The following CMIP variants were observed in gnomAD, a reference collection of about 807,000 sequenced individuals.
CMIP encodes the protein C-Maf-inducing protein.
CMIP carries 13 observed loss-of-function variants against 97.3 expected under a neutral mutation model. That is an observed-to-expected ratio of 0.13 (90% CI 0.09 to 0.21). The LOEUF is 0.21. Ranked by LOEUF, CMIP falls within the 10% of genes least tolerant of loss-of-function variation. The pLI, the probability that CMIP is intolerant of heterozygous loss-of-function variation, is 1.00. For missense variants in CMIP, 847 were observed against 1,024.9 expected, an observed-to-expected ratio of 0.83 and a Z score of 2.37; for synonymous variants, 538 against 436.3, an observed-to-expected ratio of 1.23 and a Z score of -2.91.
intron 10 of CMIP, among the ~76,000 whole-genome samples, chr16:81,680,953 C>G (rs1300112360): frequency 6.6e-6 from 1 of 152,196 alleles, no homozygotes; most frequent in Non-Finnish European, 1.5e-5. Flanking sequence ...ACATTTTTTC[C>G]TTCTTCATAA....
Position 81,453,125 on chromosome 16 carries a change from C to G in CMIP, c.300+7584C>G, listed in dbSNP as rs1432208471. 6.6e-6 allele frequency among the ~76,000 whole-genome samples: 1 copy of G among 152,170 alleles called. No individual in the cohort carries two copies. Among genetic ancestry groups the G allele is most frequent in the Admixed American group, 6.5e-5 (1 of 15,286 alleles). On this transcript the variant is annotated intron_variant, in intron 1 of 20. Coordinates refer to ENST00000537098, the MANE Select transcript of CMIP (RefSeq NM_198390.3). The surrounding 1 kb of genome is among the most constrained non-coding windows in gnomAD (Gnocchi z 4.0). Reference sequence around the variant, plus strand: ...GAGGGGAAGTGTGTCGGCAAAGACCCTTGCAGCTGGCTCAGCAGCCCACCT... The same window carrying G: ...GAGGGGAAGTGTGTCGGCAAAGACCGTTGCAGCTGGCTCAGCAGCCCACCT...
intron 19 of CMIP, 47 bp downstream of exon 19, chr16:81,705,651 T>C: frequency 7.8e-7 from 1 of 1,286,412 alleles, no homozygotes; most frequent in Admixed American, 2.0e-5. Context: ...GCTTGATTCA[T>C]TCCTTCCTTG....
intron 3 of CMIP, chr16:81,630,270 C>G (rs1190786770): frequency 6.6e-6 from 1 of 152,264 alleles, no homozygotes; most frequent in Non-Finnish European, 1.5e-5. Context: ...CAGAGGAAAA[C>G]AGGCTCTTGG....
intron 1 of CMIP, among the ~76,000 whole-genome samples, chr16:81,512,061 T>C (rs1350512234): frequency 6.6e-6 from 1 of 152,258 alleles, no homozygotes; most frequent in African/African-American, 2.4e-5. Flanking sequence ...AGTGATAATA[T>C]ATTTGATATA....
intron 11 of CMIP, 73 bp from the exon 12 acceptor site, chr16:81,693,085 G>C: frequency 8.9e-7 from 1 of 1,124,198 alleles, no homozygotes; most frequent in East Asian, 2.4e-5. Flanking sequence ...GTCCCCAGAG[G>C]TTAATCTTGG....
chr16:81,699,553 C>A, intron 14 of CMIP, 132 bp from the exon 15 acceptor site: 1 of 625,830 alleles, frequency 1.6e-6, no homozygotes, highest in Non-Finnish European at 2.9e-6. Flanking sequence ...CCTGGTGATC[C>A]TAGAACACCT....
At chr16:81,577,182 CCATCACCAT>C (rs1339849190) in intron 1 of CMIP, among the ~76,000 whole-genome samples, 3 of 139,734 alleles carry the variant, frequency 2.1e-5, no homozygotes, top group African/African-American at 9.0e-5. Context: ...ATCACTATCA[CCATCACCAT>C]CATCACCATC....
intron 1 of CMIP, among the ~76,000 whole-genome samples, chr16:81,565,728 C>T (rs1443243474): frequency 6.6e-6 from 1 of 152,192 alleles, no homozygotes; most frequent in Non-Finnish European, 1.5e-5. Flanking sequence ...CTGTCTGCCA[C>T]CTGCCCCCTA....
chr16:81,481,420 A>G (rs533011339), intron 1 of CMIP, among the ~76,000 whole-genome samples: 16 of 152,316 alleles, frequency 1.1e-4, no homozygotes, highest in African/African-American at 3.8e-4. Flanking sequence ...CCAACGTTAC[A>G]CAGCTTGTGA....
intron 14 of CMIP, 132 bp from the exon 15 acceptor site, chr16:81,699,553 C>T (rs1288850748): frequency 6.4e-6 from 4 of 625,712 alleles, no homozygotes; most frequent in East Asian, 5.8e-5. Context: ...CCTGGTGATC[C>T]TAGAACACCT....
intron 1 of CMIP, among the ~76,000 whole-genome samples, chr16:81,568,730 G>A (rs993212513): frequency 6.6e-6 from 1 of 152,226 alleles, no homozygotes; most frequent in Non-Finnish European, 1.5e-5. Context: ...CAAAGGCAAG[G>A]AGAGCTGGAG....
intron 1 of CMIP, among the ~76,000 whole-genome samples, chr16:81,601,856 C>G (rs2091663832): frequency 6.6e-6 from 1 of 152,196 alleles, no homozygotes; most frequent in African/African-American, 2.4e-5. Context: ...CCTGGGTTCG[C>G]TCCTTGCTTC....
chr16:81,447,382 C>T (rs1035260751), intron 1 of CMIP, among the ~76,000 whole-genome samples: 6 of 152,148 alleles, frequency 3.9e-5, no homozygotes, highest in Middle Eastern at 3.4e-3. Flanking sequence ...AGTGAGTGTC[C>T]CGCTGCTACC....
At chr16:81,534,123 A>G (rs2090295138) in intron 1 of CMIP, among the ~76,000 whole-genome samples, 2 of 152,234 alleles carry the variant, frequency 1.3e-5, no homozygotes, top group African/African-American at 2.4e-5. Flanking sequence ...GCACCCGGGC[A>G]GCCTGTGGCC....
chr16:81,710,163 G>A lies in CMIP; in HGVS notation c.*364G>A, dbSNP rs1043888152. ...CCGTCGTGTGGGAAAAGTCAACTCC[G>A]ATGCCACCATTGCGGGCCGGACGAA... On this transcript the variant is annotated 3_prime_UTR_variant, in exon 21 of 21. Transcript: ENST00000537098. The A allele has an allele frequency of 1.7e-5, 5 of 296,000 alleles. No homozygotes were observed. The highest frequency in any genetic ancestry group is 2.2e-5 in the African/African-American group (1 of 46,216). The allele number at this position is 296,000 out of a possible 1,614,324, so 18.3% of individuals were successfully genotyped here. A position where few individuals can be genotyped will look rare whatever the true frequency, so the allele number is the denominator to read the frequency against.
intron 1 of CMIP, among the ~76,000 whole-genome samples, chr16:81,562,833 CT>C (rs2150875252): frequency 6.6e-6 from 1 of 152,304 alleles, no homozygotes; most frequent in African/African-American, 2.4e-5. Context: ...GGTACACTTA[CT>C]TGCTCAAAGT....
chr16:81,496,390 C>G (rs2089491549), intron 1 of CMIP, among the ~76,000 whole-genome samples: 1 of 152,146 alleles, frequency 6.6e-6, no homozygotes, highest in South Asian at 2.1e-4. Flanking sequence ...TAAGTGAAAC[C>G]TATTTAGAAT....
At position 81,670,165 on chromosome 16, in the gene CMIP, G is replaced by A; in HGVS notation, c.849G>A (p.Leu283=). The change falls in exon 8 of 21, where the codon CTG becomes CTA. Residue 283 remains leucine (L), a synonymous_variant. Coordinates refer to ENST00000537098, the MANE Select transcript of CMIP (RefSeq NM_198390.3). ...AGGACTTTGGGAAGTGCCCGCGACTGAGGCTGTTTACTCAGGAGTACATCC... is the reference window on the plus strand; with the variant it reads ...AGGACTTTGGGAAGTGCCCGCGACTAAGGCTGTTTACTCAGGAGTACATCC... ...HNMDFGKCPR[L]RLFTQEYILA... is the part of the protein sequence containing the mutation. 1.9e-6 allele frequency: 3 copies of A among 1,610,472 alleles called. No individual in the cohort carries two copies. Among genetic ancestry groups the A allele is most frequent in the Non-Finnish European group, 2.5e-6 (3 of 1,178,560 alleles).
At chr16:81,696,843 T>G (rs944855989) in intron 14 of CMIP, 176 bp downstream of exon 14, 26 of 631,674 alleles carry the variant, frequency 4.1e-5, no homozygotes, top group Admixed American at 3.6e-4. Flanking sequence ...TGACTGTCAC[T>G]TACTCATTTC....
Sources: allele counts gnomAD v4.1 joint callset (sites outside exome capture counted in the v4.1 genomes callset), GRCh38; gene constraint gnomAD v4.1.1; non-coding constraint Gnocchi (gnomAD v3.1); transcripts MANE v1.5; gene names NCBI Gene and HGNC (gene_info 2026-07-23, HGNC 2026-07-21).